TP73: variants seen among roughly 807,000 people sequenced by gnomAD.
TP73 encodes p53-like transcription factor.
TP73 carries 25 observed loss-of-function variants against 62.5 expected under a neutral mutation model. That is an observed-to-expected ratio of 0.40 (90% CI 0.29 to 0.56). The LOEUF is 0.56. Among genes scored for constraint, TP73 ranks in the 20% least tolerant of loss-of-function variants. The pLI is 0.46. For missense variants in TP73, 754 were observed against 913.3 expected (o/e 0.83, Z 2.25); for synonymous variants, 423 against 377.5 (o/e 1.12, Z -1.40).
At position 3,690,787 on chromosome 1, in the gene TP73, G is replaced by A. The variant is rs369404816; in HGVS notation, c.186+7607G>A. ...CCTCACTAGCTGCGGAGCCTCTCCC[G>A]CTCGGTCCACGCTGCCGGGCGGCCA... On this transcript the variant is annotated intron_variant, in intron 3 of 13. Transcript: ENST00000378295. The A allele has an allele frequency of 2.1e-5, 32 of 1,517,308 alleles. No individual in the cohort carries two copies. The African/African-American group carries it at 3.5e-4, about 16-fold the overall frequency. 94.0% of individuals were successfully genotyped at this position (1,517,308 alleles called of 1,614,324 possible). A position where few individuals can be genotyped will look rare whatever the true frequency, so the allele number is the denominator to read the frequency against.
intron 1 of TP73, among the ~76,000 whole-genome samples, chr1:3,655,397 G>T (rs1385221758): frequency 6.6e-6 from 1 of 152,136 alleles, no homozygotes; most frequent in Non-Finnish European, 1.5e-5. Flanking sequence ...AAAAAAACAC[G>T]CAAAAAATAC....
chr1:3,666,557 G>A lies in TP73; in HGVS notation c.-34+13916G>A, dbSNP rs1186115679. 6.6e-6 allele frequency among the ~76,000 whole-genome samples: 1 copy of A among 152,150 alleles called. No homozygotes were observed. The highest frequency in any genetic ancestry group is 1.5e-5 in the Non-Finnish European group (1 of 68,030). On this transcript the variant is annotated intron_variant, in intron 1 of 13. Transcript: ENST00000378295. This position sits in a 1 kb window ranked among gnomAD's most constrained non-coding sequence, Gnocchi z 6.4. ...GGAAGGGGTCTGACAGTGAAGGTGG[G>A]TGCGTGGGCGGGGGGCTTTTAATGG...
chr1:3,673,329 C>G (rs757032476), intron 1 of TP73, among the ~76,000 whole-genome samples: 1 of 152,194 alleles, frequency 6.6e-6, no homozygotes, highest in Non-Finnish European at 1.5e-5. Flanking sequence ...CAGCCTGGTG[C>G]CTTTGGGACC....
At chr1:3,687,361 C>T (rs1322573213) in intron 3 of TP73, among the ~76,000 whole-genome samples, 4 of 152,152 alleles carry the variant, frequency 2.6e-5, no homozygotes, top group South Asian at 4.1e-4. Flanking sequence ...CCCTGGCCAC[C>T]CCCACACCGT....
chr1:3,731,338 G>C lies in TP73; in HGVS notation c.1485-125G>C. The C allele has an allele frequency of 6.5e-6, 7 of 1,084,560 alleles. No homozygotes were observed. In the Admixed American group the frequency reaches 1.5e-4, roughly 24 times the overall value. The allele number at this position is 1,084,560 out of a possible 1,614,324, so 67.2% of individuals were successfully genotyped here. Reference sequence around the variant, plus strand: ...TGAGGGATGCCGTGGCCACCTGTGGGCTGGAGCCACCCTTCGGAGACAGCG... The same window carrying C: ...TGAGGGATGCCGTGGCCACCTGTGGCCTGGAGCCACCCTTCGGAGACAGCG... On this transcript the variant is annotated intron_variant, in intron 12 of 13. Coordinates refer to ENST00000378295, the MANE Select transcript of TP73 (RefSeq NM_005427.4).
chr1:3,704,929 T>G lies in TP73; in HGVS notation c.187-2620T>G, dbSNP rs3765750. Among the ~76,000 whole-genome samples, 44 of 152,064 alleles carry G rather than the reference T, an allele frequency of 2.9e-4. 1 individual carries two copies. In the East Asian group the frequency reaches 8.3e-3, roughly 29 times the overall value. On this transcript the variant is annotated intron_variant, in intron 3 of 13. Transcript: ENST00000378295. ...AACCAGACACCAGGAGGAGCAGGAG[T>G]AGCCTTTCTACATCTTTCTCTGAGG...
At chr1:3,694,436 G>C (rs35552997) in intron 3 of TP73, among the ~76,000 whole-genome samples, 1 of 770 alleles carries the variant, frequency 1.3e-3, no homozygotes. Flanking sequence ...CGCAATCCCA[G>C]CCATGCAGCC....
intron 4 of TP73, among the ~76,000 whole-genome samples, chr1:3,713,126 C>T (rs780497067): frequency 2.0e-5 from 3 of 152,252 alleles, no homozygotes; most frequent in Non-Finnish European, 2.9e-5. Flanking sequence ...GAGCCTTCCA[C>T]TGCTGTCTGC....
At chr1:3,680,524 G>T (rs183737310) in intron 1 of TP73, among the ~76,000 whole-genome samples, 8 of 152,206 alleles carry the variant, frequency 5.3e-5, no homozygotes, top group South Asian at 2.1e-4. Flanking sequence ...TCTTTCCTCC[G>T]AGTCCAGCCC....
intron 5 of TP73, 88 bp from the exon 6 acceptor site, chr1:3,723,266 C>A: frequency 9.0e-7 from 1 of 1,107,458 alleles, no homozygotes; most frequent in Non-Finnish European, 1.3e-6. Flanking sequence ...ACCCTTTGAA[C>A]CCGGCACAGG....
At chr1:3,705,945 C>T (rs1639587851) in intron 3 of TP73, among the ~76,000 whole-genome samples, 1 of 152,212 alleles carries the variant, frequency 6.6e-6, no homozygotes, top group Non-Finnish European at 1.5e-5. Flanking sequence ...GGCTGAGGTG[C>T]AGGAAGGGGC....
intron 4 of TP73, among the ~76,000 whole-genome samples, chr1:3,718,185 G>A (rs1318831403): frequency 6.6e-6 from 1 of 152,210 alleles, no homozygotes; most frequent in Non-Finnish European, 1.5e-5. Flanking sequence ...ACCAGGGACA[G>A]CTCCCGGCGC....
At chr1:3,692,603 G>A (rs1035147568) in intron 3 of TP73, among the ~76,000 whole-genome samples, 10 of 152,322 alleles carry the variant, frequency 6.6e-5, no homozygotes, top group South Asian at 6.2e-4. Flanking sequence ...CCCAGGAGGT[G>A]TGTGAGCTGG....
intron 1 of TP73, among the ~76,000 whole-genome samples, chr1:3,653,270 A>G (rs1644797148): frequency 6.6e-6 from 1 of 152,166 alleles, no homozygotes; most frequent in Non-Finnish European, 1.5e-5. Flanking sequence ...CTGTCTCCGG[A>G]GCGGTCCCAG....
intron 6 of TP73, among the ~76,000 whole-genome samples, chr1:3,723,926 G>A (rs1216254987): frequency 1.3e-5 from 2 of 152,180 alleles, no homozygotes; most frequent in Admixed American, 6.5e-5. Flanking sequence ...GAGGGATGGT[G>A]GAAAGACTCC....
At chr1:3,659,970 G>A (rs372984459) in intron 1 of TP73, among the ~76,000 whole-genome samples, 22 of 152,294 alleles carry the variant, frequency 1.4e-4, no homozygotes, top group African/African-American at 5.1e-4. Flanking sequence ...GTGAGCCACT[G>A]TGCCCAGCCT....
chr1:3,653,818 C>T (rs1027339820), intron 1 of TP73, among the ~76,000 whole-genome samples: 1 of 152,198 alleles, frequency 6.6e-6, no homozygotes, highest in African/African-American at 2.4e-5. Context: ...GAACAGGACA[C>T]GGTGTTTGAA....
Position 3,733,067 on chromosome 1 carries a change from C to G in TP73, c.1899C>G (p.Ala633=). ...CCATCAAGGAGGAGTTCACGGAGGCCGAGATCCACTGAGGGCCTCGCCTGG... is the reference window on the plus strand; with the variant it reads ...CCATCAAGGAGGAGTTCACGGAGGCGGAGATCCACTGAGGGCCTCGCCTGG... The part of the protein sequence containing the change: ...KQPIKEEFTE[A]EIH The change falls in exon 14 of 14, where the codon GCC becomes GCG. Residue 633 remains alanine (A), a synonymous_variant. Coordinates refer to ENST00000378295, the MANE Select transcript of TP73 (RefSeq NM_005427.4). 6.5e-7 allele frequency: 1 copy of G among 1,535,616 alleles called. No homozygotes were observed. Among genetic ancestry groups the G allele is most frequent in the Non-Finnish European group, 8.7e-7 (1 of 1,145,392 alleles).
chr1:3,663,915 C>T lies in TP73; in HGVS notation c.-34+11274C>T, dbSNP rs996350841. ...CTTTCCCTGGCTTCTCAGATGCCACCGTGCCAGGTTTTGGGGTAGTGGTAT... is the reference window on the plus strand; with the variant it reads ...CTTTCCCTGGCTTCTCAGATGCCACTGTGCCAGGTTTTGGGGTAGTGGTAT... On this transcript the variant is annotated intron_variant, in intron 1 of 13. Coordinates refer to ENST00000378295, the MANE Select transcript of TP73 (RefSeq NM_005427.4). The surrounding 1 kb of genome is among the most constrained non-coding windows in gnomAD (Gnocchi z 4.7). Among the ~76,000 whole-genome samples the T allele has an allele frequency of 2.0e-4, 30 of 152,154 alleles. No individual in the cohort carries two copies. Among genetic ancestry groups the T allele is most frequent in the Admixed American group, 1.6e-3 (24 of 15,278 alleles).
Sources: gnomAD v4.1 joint callset for allele counts (sites outside exome capture counted in the v4.1 genomes callset) on GRCh38, gnomAD v4.1.1 for gene constraint, Gnocchi (gnomAD v3.1) non-coding constraint, MANE v1.5 for transcripts, NCBI Gene and HGNC (gene_info 2026-07-23, HGNC 2026-07-21) for gene names.